The following ZSWIM9 variants were observed in gnomAD, a reference collection of about 807,000 sequenced individuals.
The protein encoded by ZSWIM9 is zinc finger SWIM-type containing 9, also known as uncharacterized protein ZSWIM9.
In ZSWIM9, 11 loss-of-function variants were observed where a neutral mutation model predicts 25.0. That is an observed-to-expected ratio of 0.44 (90% CI 0.28 to 0.73). The LOEUF is 0.73. Among genes scored for constraint, ZSWIM9 ranks in the 30% least tolerant of loss-of-function variants. The pLI is 0.16. For synonymous variants in ZSWIM9, 562 were observed against 582.1 expected (o/e 0.97, Z 0.50); for missense variants, 1,070 against 1,296.5 (o/e 0.83, Z 2.68).
chr19:48,192,474 A>AGT (rs1210728296), intron 3 of ZSWIM9, among the ~76,000 whole-genome samples: 5 of 23,950 alleles, frequency 2.1e-4, no homozygotes, highest in African/African-American at 6.5e-4. Flanking sequence ...AAAAAAAAAA[A>AGT]AAAAAAATAT....
At position 48,182,133 on chromosome 19, in the gene ZSWIM9, A is replaced by C; in HGVS notation, c.276-322A>C. The C allele has an allele frequency of 6.1e-6, 2 of 328,748 alleles. No individual in the cohort carries two copies. Among genetic ancestry groups the C allele is most frequent in the Non-Finnish European group, 1.1e-5 (2 of 180,570 alleles). 20.4% of individuals were successfully genotyped at this position (328,748 alleles called of 1,614,324 possible). A position where few individuals can be genotyped will look rare whatever the true frequency, so the allele number is the denominator to read the frequency against. On this transcript the variant is annotated intron_variant, in intron 2 of 3. Transcript: ENST00000614654. The surrounding 1 kb of genome is among the most constrained non-coding windows in gnomAD (Gnocchi z 4.6). ...TTTGACAGAACTAAGGGTGGTAGGT[A>C]TAGAATTTTAGTGAACACTTACTGC... is the stretch of plus-strand genomic sequence containing the variant.
chr19:48,187,301 CT>C (rs975249957), intron 3 of ZSWIM9, among the ~76,000 whole-genome samples: 13 of 141,056 alleles, frequency 9.2e-5, no homozygotes, highest in Non-Finnish European at 1.2e-4. Flanking sequence ...GAAATTTCAC[CT>C]TTTTTTCACT....
chr19:48,171,971 C>A lies in ZSWIM9; in HGVS notation c.169C>A (p.Arg57Ser). 6.5e-7 allele frequency: 1 copy of A among 1,534,048 alleles called. No individual in the cohort carries two copies. The change falls in exon 2 of 4, where the codon CGC (arginine) becomes AGC (serine). Residue 57 changes from arginine (R) to serine (S), a missense_variant. By Grantham distance (110) the Arg-to-Ser change is moderately radical (BLOSUM62 -1). Around this residue, in one of 4 missense-constraint regions of ZSWIM9, gnomAD observed 265 missense variants for 339.0 expected, o/e 0.78. Coordinates refer to ENST00000614654, the MANE Select transcript of ZSWIM9 (RefSeq NM_199341.4). ...GAGCTCCATGCACCTGGCGCGCTGCCGCTGGGCCAGTGCGCCCCCGCTCTA... is the reference window on the plus strand; with the variant it reads ...GAGCTCCATGCACCTGGCGCGCTGCAGCTGGGCCAGTGCGCCCCCGCTCTA... ...VKSSMHLARCRWASAPPLYTL... is the reference protein window; with the variant it reads ...VKSSMHLARCSWASAPPLYTL...
chr19:48,173,529 C>G (rs2036862126), intron 2 of ZSWIM9, among the ~76,000 whole-genome samples: 1 of 152,062 alleles, frequency 6.6e-6, no homozygotes, highest in South Asian at 2.1e-4. Context: ...GAACTCCTGA[C>G]CTCAAGGAGG....
At position 48,196,486 on chromosome 19, in the gene ZSWIM9, A is replaced by T; in HGVS notation, c.2422A>T (p.Arg808Trp). The T allele has an allele frequency of 8.1e-7, 1 of 1,232,370 alleles. No homozygotes were observed. The highest frequency in any genetic ancestry group is 1.0e-6 in the Non-Finnish European group (1 of 988,286). 76.3% of individuals were successfully genotyped at this position (1,232,370 alleles called of 1,614,324 possible). The change falls in exon 4 of 4, where the codon AGG becomes TGG. Residue 808 changes from arginine (R) to tryptophan (W), a missense_variant. Arg to Trp is a moderately radical substitution (Grantham distance 101, BLOSUM62 -3). This residue lies in a region of ZSWIM9 where 583 missense variants were observed against 624.7 expected (regional missense o/e 0.93). Transcript: ENST00000614654. ...GGEDGPREPK[R>W]LCRPPGEEEV... is the part of the protein sequence containing the mutation. ...CGAAGATGGCCCCAGGGAACCAAAG[A>T]GGCTTTGCCGACCCCCGGGAGAGGA... is the stretch of plus-strand genomic sequence containing the variant.
At chr19:48,183,809 T>C (rs916342408) in intron 3 of ZSWIM9, among the ~76,000 whole-genome samples, 2 of 149,766 alleles carry the variant, frequency 1.3e-5, no homozygotes, top group African/African-American at 4.9e-5. Flanking sequence ...GCTAATTTTT[T>C]AGTTTTTGTA....
intron 1 of ZSWIM9, chr19:48,171,223 A>C: frequency 1.0e-6 from 1 of 985,384 alleles, no homozygotes; most frequent in South Asian, 4.7e-5. Flanking sequence ...CCAGAGGCAC[A>C]TCTGGGGAGT....
chr19:48,196,951 C>T lies in ZSWIM9; in HGVS notation c.*124C>T. The T allele has an allele frequency of 9.9e-7, 1 of 1,005,730 alleles. No individual in the cohort carries two copies. Among genetic ancestry groups the T allele is most frequent in the Non-Finnish European group, 1.3e-6 (1 of 761,518 alleles). The allele number at this position is 1,005,730 out of a possible 1,614,324, so 62.3% of individuals were successfully genotyped here. The stretch of plus-strand genomic sequence containing the variant: ...CCCCCTGGCCACCTTCTGGGTCATC[C>T]AGGGACCTCCTCATGGCAGTTTGCC... On this transcript the variant is annotated 3_prime_UTR_variant, in exon 4 of 4. Coordinates refer to ENST00000614654, the MANE Select transcript of ZSWIM9 (RefSeq NM_199341.4).
chr19:48,193,915 G>C (rs1599936493), intron 3 of ZSWIM9, among the ~76,000 whole-genome samples: 1 of 152,324 alleles, frequency 6.6e-6, no homozygotes, highest in East Asian at 1.9e-4. Flanking sequence ...CAGGATCTCA[G>C]CCCAGGGATC....
At chr19:48,172,509 G>C (rs896036848) in intron 2 of ZSWIM9, among the ~76,000 whole-genome samples, 1 of 151,888 alleles carries the variant, frequency 6.6e-6, no homozygotes, top group African/African-American at 2.4e-5. Context: ...TTTTTGTTTT[G>C]TTTTGCTTTG....
chr19:48,188,890 G>C (rs2037061660), intron 3 of ZSWIM9, among the ~76,000 whole-genome samples: 1 of 151,638 alleles, frequency 6.6e-6, no homozygotes, highest in South Asian at 2.1e-4. Context: ...AATTAGCCAG[G>C]TGTGGTGGCA....
intron 2 of ZSWIM9, among the ~76,000 whole-genome samples, chr19:48,179,998 G>A (rs546780353): frequency 6.6e-6 from 1 of 152,176 alleles, no homozygotes; most frequent in East Asian, 1.9e-4. Context: ...TCTTTGGCTT[G>A]GAGCCTCTTC....
intron 3 of ZSWIM9, among the ~76,000 whole-genome samples, chr19:48,185,799 CA>C (rs1483702343): frequency 9.9e-5 from 15 of 152,202 alleles, no homozygotes; most frequent in Middle Eastern, 3.4e-3. Context: ...CCAGCATGGC[CA>C]ACATGGCAAA....
chr19:48,179,593 T>G (rs1227634737), intron 2 of ZSWIM9, among the ~76,000 whole-genome samples: 3 of 152,168 alleles, frequency 2.0e-5, no homozygotes, highest in Admixed American at 6.5e-5. Flanking sequence ...CATAAAGAGA[T>G]GTATAAGAGA....
rs2036954194 is a variant in ZSWIM9, at chr19:48,182,176, C to T, written c.276-279C>T. The T allele has an allele frequency of 6.5e-6, 3 of 458,792 alleles. No individual in the cohort carries two copies. Among genetic ancestry groups the T allele is most frequent in the Non-Finnish European group, 1.2e-5 (3 of 259,844 alleles). 28.4% of individuals were successfully genotyped at this position (458,792 alleles called of 1,614,324 possible). ...CTTACTGCTTGCCATATTCCAGACA[C>T]TGTGTAGGTGCTTTACCTATATTAA... On this transcript the variant is annotated intron_variant, in intron 2 of 3. Transcript: ENST00000614654. The surrounding 1 kb of genome is among the most constrained non-coding windows in gnomAD (Gnocchi z 4.6).
intron 2 of ZSWIM9, among the ~76,000 whole-genome samples, chr19:48,175,640 G>T (rs925985165): frequency 2.6e-5 from 4 of 152,186 alleles, no homozygotes; most frequent in African/African-American, 7.2e-5. Flanking sequence ...GAGACGATGT[G>T]GGGGAGAGAG....
In ZSWIM9 at chr19:48,195,151, G is replaced by A. The variant is rs1298817919; in HGVS notation, c.1087G>A (p.Ala363Thr). The change falls in exon 4 of 4, where the codon GCC becomes ACC. Residue 363 changes from alanine (A) to threonine (T), a missense_variant. Coordinates refer to ENST00000614654, the MANE Select transcript of ZSWIM9 (RefSeq NM_199341.4). The surrounding 1 kb of genome is among the most constrained non-coding windows in gnomAD (Gnocchi z 5.8). ...SSPAAYDEAL[A>T]ELHAHGPAAF... ...GCCCGCAGCCTACGACGAGGCGCTG[G>A]CCGAGCTCCACGCCCACGGCCCAGC... is the stretch of plus-strand genomic sequence containing the variant. 3 of 1,513,318 alleles carry A rather than the reference G, an allele frequency of 2.0e-6. No homozygotes were observed. The highest frequency in any genetic ancestry group is 2.6e-6 in the Non-Finnish European group (3 of 1,135,128). The allele number at this position is 1,513,318 out of a possible 1,614,324, so 93.7% of individuals were successfully genotyped here.
chr19:48,179,560 C>G (rs2036926653), intron 2 of ZSWIM9, among the ~76,000 whole-genome samples: 1 of 152,120 alleles, frequency 6.6e-6, no homozygotes, highest in African/African-American at 2.4e-5. Context: ...AACCGCTGTC[C>G]TAGACAAACT....
chr19:48,177,750 G>A (rs919811275), intron 2 of ZSWIM9, among the ~76,000 whole-genome samples: 1 of 152,170 alleles, frequency 6.6e-6, no homozygotes, highest in East Asian at 1.9e-4. Flanking sequence ...AAAAATGTAC[G>A]GGGTGGCATA....
Sources: gnomAD v4.1 joint callset for allele counts (sites outside exome capture counted in the v4.1 genomes callset) on GRCh38, gnomAD v4.1.1 for gene constraint, gnomAD v4.1.1 regional missense constraint, Gnocchi (gnomAD v3.1) non-coding constraint, MANE v1.5 for transcripts, NCBI Gene and HGNC (gene_info 2026-07-23, HGNC 2026-07-21) for gene names.